Variants in NR5A2 observed in about 807,000 individuals in gnomAD.
The protein encoded by NR5A2 is nuclear receptor subfamily 5 group A member 2, also known as CYP7A promoter-binding factor.
Under a neutral mutation model 62.7 loss-of-function variants are expected in NR5A2, and 26 were observed. The ratio of observed to expected loss-of-function variants is 0.41; its 90% CI spans 0.30 to 0.58. The LOEUF (loss-of-function observed/expected upper bound fraction) is 0.58, where lower values mean the gene tolerates loss of function less well. Among genes scored for constraint, NR5A2 ranks in the 20% least tolerant of loss-of-function variants. The pLI is 0.22. For synonymous variants in NR5A2, 246 were observed against 241.7 expected (o/e 1.02, Z -0.16); for missense variants, 541 against 669.1 (o/e 0.81, Z 2.11).
chr1:200,148,457 C>T (rs1667826265), intron 7 of NR5A2, among the ~76,000 whole-genome samples: 2 of 152,188 alleles, frequency 1.3e-5, no homozygotes, highest in African/African-American at 4.8e-5. Context: ...CCAGGCAGCC[C>T]CCTCCTGGGG....
intron 6 of NR5A2, among the ~76,000 whole-genome samples, chr1:200,119,041 A>G (rs767710248): frequency 2.6e-5 from 4 of 152,236 alleles, no homozygotes; most frequent in Non-Finnish European, 5.9e-5. Context: ...TCTAACACAC[A>G]TTAACTGTGG....
At chr1:200,034,362 C>A (rs755966808) in intron 1 of NR5A2, among the ~76,000 whole-genome samples, 1 of 152,066 alleles carries the variant, frequency 6.6e-6, no homozygotes, top group Non-Finnish European at 1.5e-5. Context: ...AGATTATTTC[C>A]CCTGCCCCAC....
intron 5 of NR5A2, among the ~76,000 whole-genome samples, chr1:200,079,517 G>A (rs1045773226): frequency 6.6e-6 from 1 of 152,228 alleles, no homozygotes; most frequent in Non-Finnish European, 1.5e-5. Context: ...AGCCTCTCAG[G>A]CTTGATATAT....
At position 200,147,302 on chromosome 1, in the gene NR5A2, C is replaced by T. The variant is rs950743600; in HGVS notation, c.1378+26347C>T. Reference sequence around the variant, plus strand: ...CGCTGGCTGCATCTGCTGTGCCAGGCGCCTACTGTGCGCTCCTCTCCTCAT... The same window carrying T: ...CGCTGGCTGCATCTGCTGTGCCAGGTGCCTACTGTGCGCTCCTCTCCTCAT... On this transcript the variant is annotated intron_variant, in intron 7 of 7. Transcript: ENST00000367362. This position sits in a 1 kb window ranked among gnomAD's most constrained non-coding sequence, Gnocchi z 4.9. Among the ~76,000 whole-genome samples, 6 of 152,180 alleles carry T rather than the reference C, an allele frequency of 3.9e-5. No individual in the cohort carries two copies. The highest frequency in any genetic ancestry group is 2.0e-4 in the Admixed American group (3 of 15,280).
intron 5 of NR5A2, among the ~76,000 whole-genome samples, chr1:200,083,636 C>T (rs958966359): frequency 4.7e-5 from 6 of 126,552 alleles, no homozygotes; most frequent in African/African-American, 9.3e-5. Flanking sequence ...TATATATATA[C>T]AGTATTGTAC....
intron 7 of NR5A2, among the ~76,000 whole-genome samples, chr1:200,134,868 C>A (rs1667142421): frequency 6.6e-6 from 1 of 152,210 alleles, no homozygotes; most frequent in Non-Finnish European, 1.5e-5. Flanking sequence ...CACATTGCAA[C>A]TGTTACCACC....
chr1:200,108,522 G>T (rs1009489794), intron 5 of NR5A2, among the ~76,000 whole-genome samples: 1 of 152,096 alleles, frequency 6.6e-6, no homozygotes, highest in African/African-American at 2.4e-5. Flanking sequence ...ATCCTTTTTA[G>T]GTGTCCATAA....
chr1:200,091,729 C>T (rs563947670), intron 5 of NR5A2, among the ~76,000 whole-genome samples: 7 of 152,206 alleles, frequency 4.6e-5, no homozygotes, highest in East Asian at 3.9e-4. Context: ...GTGATCCACT[C>T]GCCTCAGCCT....
chr1:200,156,464 C>A (rs1653391126), intron 7 of NR5A2, among the ~76,000 whole-genome samples: 1 of 152,242 alleles, frequency 6.6e-6, no homozygotes, highest in Non-Finnish European at 1.5e-5. Context: ...GTGGCGTGAT[C>A]TCTGCTCACT....
Position 200,048,348 on chromosome 1 carries a change from C to T in NR5A2, c.640C>T (p.Gln214Ter). ...TGACCTGACCATTTCCTCTGCAATT[C>T]AAAACATCCACTCTGCCTCCAAAGG... The part of the protein sequence containing the change: ...PSDLTISSAI[Q>*]NIHSASKGLP... Residue 214 changes from glutamine to a stop codon, truncating the protein, a stop_gained, in exon 5 of 8, where the codon CAA (glutamine) becomes TAA (stop). Coordinates refer to ENST00000367362, the MANE Select transcript of NR5A2 (RefSeq NM_205860.3). LOFTEE classifies it high-confidence loss of function. The surrounding 1 kb of genome is among the most constrained non-coding windows in gnomAD (Gnocchi z 4.8). The T allele has an allele frequency of 6.2e-7, 1 of 1,614,180 alleles. No homozygotes were observed. Among genetic ancestry groups the T allele is most frequent in the Non-Finnish European group, 8.5e-7 (1 of 1,180,046 alleles).
chr1:200,167,151 A>G (rs1653939677), intron 7 of NR5A2, among the ~76,000 whole-genome samples: 1 of 152,084 alleles, frequency 6.6e-6, no homozygotes, highest in Non-Finnish European at 1.5e-5. Flanking sequence ...CTCCAGCCCA[A>G]GCCTTTCTCT....
At chr1:200,124,403 G>T (rs1378417367) in intron 7 of NR5A2, among the ~76,000 whole-genome samples, 1 of 152,176 alleles carries the variant, frequency 6.6e-6, no homozygotes, top group African/African-American at 2.4e-5. Flanking sequence ...GTGGACTCAA[G>T]TCCTTCTAGT....
chr1:200,146,384 G>C (rs1414839233), intron 7 of NR5A2, among the ~76,000 whole-genome samples: 2 of 152,128 alleles, frequency 1.3e-5, no homozygotes, highest in African/African-American at 2.4e-5. Context: ...TGTAACTACT[G>C]TCAGAAATTT....
intron 7 of NR5A2, among the ~76,000 whole-genome samples, chr1:200,152,606 G>A (rs1333159913): frequency 6.6e-6 from 1 of 152,186 alleles, no homozygotes; most frequent in African/African-American, 2.4e-5. Context: ...ATTTGAACAA[G>A]TGGTTTGATT....
At chr1:200,109,115 T>C (rs1422611927) in intron 5 of NR5A2, among the ~76,000 whole-genome samples, 1 of 152,234 alleles carries the variant, frequency 6.6e-6, no homozygotes, top group Non-Finnish European at 1.5e-5. Flanking sequence ...CACCCTTATA[T>C]GCTAGGGCCT....
chr1:200,062,369 A>G (rs1417241219), intron 5 of NR5A2, among the ~76,000 whole-genome samples: 1 of 152,058 alleles, frequency 6.6e-6, no homozygotes, highest in African/African-American at 2.4e-5. Context: ...CGATCACTGT[A>G]TCCTGTGGAC....
rs1336741692 is a variant in NR5A2, at chr1:200,175,569, G to A, written c.*1359G>A. 6.6e-6 allele frequency: 1 copy of A among 152,664 alleles called. No homozygotes were observed. Among genetic ancestry groups the A allele is most frequent in the African/African-American group, 2.4e-5 (1 of 41,470 alleles). The allele number at this position is 152,664 out of a possible 1,614,324, so 9.5% of individuals were successfully genotyped here. On this transcript the variant is annotated 3_prime_UTR_variant, in exon 8 of 8. Transcript: ENST00000367362. ...AATTTTAAAAGGTAGCTGTGCAGATGTGGATCAACATTTGTTTAAAATAAA... is the reference window on the plus strand; with the variant it reads ...AATTTTAAAAGGTAGCTGTGCAGATATGGATCAACATTTGTTTAAAATAAA...
At chr1:200,068,524 G>A (rs1663601691) in intron 5 of NR5A2, among the ~76,000 whole-genome samples, 1 of 152,110 alleles carries the variant, frequency 6.6e-6, no homozygotes, top group Non-Finnish European at 1.5e-5. Context: ...TTACTTATTA[G>A]CCCAAGTCAG....
At chr1:200,150,201 A>G (rs923619471) in intron 7 of NR5A2, among the ~76,000 whole-genome samples, 2 of 152,216 alleles carry the variant, frequency 1.3e-5, no homozygotes, top group African/African-American at 2.4e-5. Context: ...AGGAAACCAA[A>G]ATCAAATTAA....
Sources: allele counts gnomAD v4.1 joint callset (sites outside exome capture counted in the v4.1 genomes callset), GRCh38; gene constraint gnomAD v4.1.1; non-coding constraint Gnocchi (gnomAD v3.1); transcripts MANE v1.5; gene names NCBI Gene and HGNC (gene_info 2026-07-23, HGNC 2026-07-21).